KLRD1: variants seen among roughly 807,000 people sequenced by gnomAD.
The protein encoded by KLRD1 is natural killer cells antigen CD94.
A neutral mutation model predicts 22.6 loss-of-function variants in KLRD1; 21 were observed. That is an observed-to-expected ratio of 0.93 (90% CI 0.66 to 1.34). The LOEUF is 1.34. KLRD1 is among the 40% of genes most tolerant of loss of function. The pLI, the probability that KLRD1 is intolerant of heterozygous loss-of-function variation, is 0.00. For synonymous variants in KLRD1, 59 were observed against 71.1 expected, an observed-to-expected ratio of 0.83 and a Z score of 0.85; for missense variants, 183 against 208.6, an observed-to-expected ratio of 0.88 and a Z score of 0.76.
chr12:10,270,538 A>G (rs751542393), intron 1 of KLRD1, among the ~76,000 whole-genome samples: 32 of 152,156 alleles, frequency 2.1e-4, no homozygotes, highest in Admixed American at 5.2e-4. Flanking sequence ...TATTTAACCC[A>G]CTTGAATTGG....
chr12:10,275,171 T>C (rs1040504782), intron 1 of KLRD1, among the ~76,000 whole-genome samples: 9 of 152,236 alleles, frequency 5.9e-5, no homozygotes, highest in African/African-American at 2.2e-4. Flanking sequence ...ATTATAGGCG[T>C]GAGCCACCGT....
chr12:10,311,913 C>T (rs1387604068), intron 4 of KLRD1, among the ~76,000 whole-genome samples: 1 of 151,954 alleles, frequency 6.6e-6, no homozygotes, highest in East Asian at 1.9e-4. Context: ...ATTTGAAGAA[C>T]CAACTAAATG....
rs1354936524 is a variant in KLRD1 at position 10,328,242 on chromosome 12, C to G, written c.*13449C>G. On this transcript the variant is annotated 3_prime_UTR_variant, in exon 6 of 6. Transcript: ENST00000336164. ...GCTTGGGAAAGATGGCCATTAATTT[C>G]TCCTTAAATATTTGGTGGCTTCACC... 1.3e-5 allele frequency: 2 copies of G among 152,070 alleles called. No individual in the cohort carries two copies. The highest frequency in any genetic ancestry group is 2.9e-5 in the Non-Finnish European group (2 of 67,994). The allele number at this position is 152,070 out of a possible 1,614,324, so 9.4% of individuals were successfully genotyped here. A position where few individuals can be genotyped will look rare whatever the true frequency, so the allele number is the denominator to read the frequency against.
Position 10,325,635 on chromosome 12 carries a change from G to A in KLRD1, c.*10842G>A, listed in dbSNP as rs1950353998. The A allele has an allele frequency of 6.6e-6, 1 of 152,056 alleles. No individual in the cohort carries two copies. The highest frequency in any genetic ancestry group is 2.1e-4 in the South Asian group (1 of 4,828). 9.4% of individuals were successfully genotyped at this position (152,056 alleles called of 1,614,324 possible). On this transcript the variant is annotated 3_prime_UTR_variant, in exon 6 of 6. Transcript: ENST00000336164. Reference sequence around the variant, plus strand: ...TCATATAGTATTTATCCTGTGACTTGTTTATTTCATTTAGCATAATGTCCT... The same window carrying A: ...TCATATAGTATTTATCCTGTGACTTATTTATTTCATTTAGCATAATGTCCT...
intron 1 of KLRD1, among the ~76,000 whole-genome samples, chr12:10,275,536 C>G (rs1321272537): frequency 6.6e-6 from 1 of 152,182 alleles, no homozygotes; most frequent in Non-Finnish European, 1.5e-5. Flanking sequence ...AATGTTCTTT[C>G]AACCATCGGG....
At chr12:10,286,962 AC>A (rs1416930598) in intron 1 of KLRD1, among the ~76,000 whole-genome samples, 1 of 151,638 alleles carries the variant, frequency 6.6e-6, no homozygotes, top group Non-Finnish European at 1.5e-5. Flanking sequence ...ATGTGGCAAA[AC>A]CCCATTTCTA....
upstream of KLRD1, among the ~76,000 whole-genome samples, chr12:10,302,072 C>A (rs1949871089): frequency 1.3e-5 from 2 of 152,112 alleles, no homozygotes. Flanking sequence ...TCAACAGGCA[C>A]TGATCACAGA....
Position 10,328,019 on chromosome 12 carries a change from T to TA in KLRD1, c.*13226_*13227insA, listed in dbSNP as rs1192654726. ...CACCCCAGGGATAAATGCCACTTGC[T>TA]TATGGCATATACTCCTTTTAGTGTA... On this transcript the variant is annotated 3_prime_UTR_variant, in exon 6 of 6. Transcript: ENST00000336164. 6.6e-6 allele frequency: 1 copy of TA among 152,186 alleles called. No individual in the cohort carries two copies. The highest frequency in any genetic ancestry group is 6.5e-5 in the Admixed American group (1 of 15,272). 9.4% of individuals were successfully genotyped at this position (152,186 alleles called of 1,614,324 possible).
intron 1 of KLRD1, among the ~76,000 whole-genome samples, chr12:10,262,706 A>T (rs552289427): frequency 6.6e-6 from 1 of 152,062 alleles, no homozygotes; most frequent in Non-Finnish European, 1.5e-5. Flanking sequence ...ATGAACTGAA[A>T]TTCACAATAT....
intron 1 of KLRD1, among the ~76,000 whole-genome samples, chr12:10,239,434 TTTCCTTCCTTCC>T (rs1190408287): frequency 4.8e-5 from 2 of 41,402 alleles, no homozygotes; most frequent in African/African-American, 8.1e-5. Context: ...CCTTCCTTCC[TTTCCTTCCTTCC>T]TTCCTTCCTT....
At position 10,311,690 on chromosome 12, in the gene KLRD1, G is replaced by C; in HGVS notation, c.315+75G>C. ...ACTATCTAAACAAGTTAAATACTTT[G>C]GTTTAAGTCATTAATCACATAGTAA... On this transcript the variant is annotated intron_variant, in intron 4 of 5. Coordinates refer to ENST00000336164, the MANE Select transcript of KLRD1 (RefSeq NM_002262.5). 16 of 1,436,650 alleles carry C rather than the reference G, an allele frequency of 1.1e-5. No individual in the cohort carries two copies. The Admixed American group carries it at 2.5e-4, about 22-fold the overall frequency. The allele number at this position is 1,436,650 out of a possible 1,614,324, so 89.0% of individuals were successfully genotyped here. A position where few individuals can be genotyped will look rare whatever the true frequency, so the allele number is the denominator to read the frequency against.
chr12:10,324,841 T>TATATTC lies in KLRD1; in HGVS notation c.*10050_*10051insATTCAT, dbSNP rs892061810. 1 of 143,940 alleles carries TATATTC rather than the reference T, an allele frequency of 6.9e-6. No homozygotes were observed. Among genetic ancestry groups the TATATTC allele is most frequent in the Non-Finnish European group, 1.5e-5 (1 of 65,486 alleles). 8.9% of individuals were successfully genotyped at this position (143,940 alleles called of 1,614,324 possible). A position where few individuals can be genotyped will look rare whatever the true frequency, so the allele number is the denominator to read the frequency against. ...GTGTATATATATATATATATATATA[T>TATATTC]ATTCATTTACACAGTTGATTCTAAG... On this transcript the variant is annotated 3_prime_UTR_variant, in exon 6 of 6. Coordinates refer to ENST00000336164, the MANE Select transcript of KLRD1 (RefSeq NM_002262.5).
At chr12:10,289,213 A>G (rs77983405) in intron 1 of KLRD1, among the ~76,000 whole-genome samples, 1,569 of 152,332 alleles carry the variant, frequency 0.01, 32 homozygotes, top group African/African-American at 0.036. Context: ...AGGCCACCCA[A>G]CAGTTCACCA....
intron 1 of KLRD1, among the ~76,000 whole-genome samples, chr12:10,243,561 C>T (rs961081473): frequency 5.3e-5 from 7 of 131,446 alleles, no homozygotes; most frequent in African/African-American, 2.0e-4. Context: ...TTGCAGTGAG[C>T]CAAGGTCACG....
intron 1 of KLRD1, among the ~76,000 whole-genome samples, chr12:10,254,191 G>A (rs1177442146): frequency 6.6e-6 from 1 of 152,100 alleles, no homozygotes; most frequent in Non-Finnish European, 1.5e-5. Context: ...CACTTTGGGA[G>A]GCCGAGACGG....
chr12:10,277,803 T>C (rs1261373858), intron 1 of KLRD1, among the ~76,000 whole-genome samples: 1 of 152,250 alleles, frequency 6.6e-6, no homozygotes, highest in Non-Finnish European at 1.5e-5. Flanking sequence ...AGAAAAGTTT[T>C]AGATTACAGA....
At chr12:10,253,197 A>T (rs1257171112) in intron 1 of KLRD1, among the ~76,000 whole-genome samples, 1 of 152,006 alleles carries the variant, frequency 6.6e-6, no homozygotes, top group East Asian at 1.9e-4. Context: ...TCAGTATTTA[A>T]ATCTCAGTTT....
intron 1 of KLRD1, among the ~76,000 whole-genome samples, chr12:10,277,137 T>A (rs1169147992): frequency 3.4e-5 from 5 of 148,676 alleles, no homozygotes; most frequent in African/African-American, 7.5e-5. Flanking sequence ...TTTTTTTTTT[T>A]AGATATTTGA....
chr12:10,243,637 A>G (rs1481317197), intron 1 of KLRD1, among the ~76,000 whole-genome samples: 1 of 147,298 alleles, frequency 6.8e-6, no homozygotes, highest in Non-Finnish European at 1.5e-5. Context: ...AAAAAAACCG[A>G]AATGAAAGAT....
Sources: gnomAD v4.1 joint callset for allele counts (sites outside exome capture counted in the v4.1 genomes callset) on GRCh38, gnomAD v4.1.1 for gene constraint, MANE v1.5 for transcripts, NCBI Gene and HGNC (gene_info 2026-07-23, HGNC 2026-07-21) for gene names.